PLCG2: variants seen among roughly 807,000 people sequenced by gnomAD.
The protein encoded by PLCG2 is 1-phosphatidylinositol 4,5-bisphosphate phosphodiesterase gamma-2.
Under a neutral mutation model 175.6 loss-of-function variants are expected in PLCG2, and 69 were observed. That is an observed-to-expected ratio of 0.39 (90% CI 0.32 to 0.48). PLCG2 has a LOEUF of 0.48. Among genes scored for constraint, PLCG2 ranks in the 20% least tolerant of loss-of-function variants. The pLI is 0.91. For missense variants in PLCG2, 1,798 were observed against 1,650.9 expected (o/e 1.09, Z -1.54); for synonymous variants, 827 against 624.0 (o/e 1.33, Z -4.85).
chr16:81,873,555 T>G lies in PLCG2; in HGVS notation c.648+2620T>G, dbSNP rs1907621967. On this transcript the variant is annotated intron_variant, in intron 7 of 32. Coordinates refer to ENST00000564138, the MANE Select transcript of PLCG2 (RefSeq NM_002661.5). ...AAGATAAGTAGTTGCAAATAACAGT[T>G]TTTTTTTTTTTAATAATAGTTTACC... is the stretch of plus-strand genomic sequence containing the variant. Among the ~76,000 whole-genome samples the G allele has an allele frequency of 2.1e-5, 3 of 140,088 alleles. No homozygotes were observed. In the South Asian group the frequency reaches 6.4e-4, roughly 30 times the overall value. The allele number at this position is 140,088 out of a possible 152,430, so 91.9% of individuals were successfully genotyped here.
chr16:81,954,995 G>A (rs1453413636), intron 31 of PLCG2, among the ~76,000 whole-genome samples: 1 of 152,142 alleles, frequency 6.6e-6, no homozygotes, highest in African/African-American at 2.4e-5. Context: ...AGCCTCGCCA[G>A]CATCTATTGT....
intron 31 of PLCG2, among the ~76,000 whole-genome samples, chr16:81,952,782 G>A (rs1911418502): frequency 6.6e-6 from 1 of 152,198 alleles, no homozygotes; most frequent in Admixed American, 6.5e-5. Context: ...AAACAGCATA[G>A]TACTAACTGC....
intron 7 of PLCG2, among the ~76,000 whole-genome samples, chr16:81,871,584 C>T (rs572017588): frequency 2.0e-5 from 3 of 152,308 alleles, no homozygotes; most frequent in South Asian, 2.1e-4. Flanking sequence ...CTGATCGGCC[C>T]GCCTCCACTT....
At chr16:81,742,356 G>T (rs948617035) in intron 1 of PLCG2, among the ~76,000 whole-genome samples, 6 of 152,232 alleles carry the variant, frequency 3.9e-5, no homozygotes, top group African/African-American at 1.4e-4. Context: ...AGGGCTCCAG[G>T]TGCAGAGTTG....
At chr16:81,916,266 T>G (rs1476389929) in intron 19 of PLCG2, among the ~76,000 whole-genome samples, 5 of 151,000 alleles carry the variant, frequency 3.3e-5, no homozygotes, top group Non-Finnish European at 7.4e-5. Context: ...ATTTTTTTTT[T>G]CAAAAGACTG....
chr16:81,811,532 C>G (rs965113943), intron 2 of PLCG2, among the ~76,000 whole-genome samples: 2 of 152,118 alleles, frequency 1.3e-5, no homozygotes, highest in South Asian at 4.2e-4. Flanking sequence ...CCCCCAACCC[C>G]TAACAGGCCC....
At position 81,858,359 on chromosome 16, in the gene PLCG2, AG is replaced by A. The variant is rs1422059522; in HGVS notation, c.431+4del. The A allele has an allele frequency of 6.2e-7, 1 of 1,609,952 alleles. No individual in the cohort carries two copies. Among genetic ancestry groups the A allele is most frequent in the African/African-American group, 1.3e-5 (1 of 74,804 alleles). ...TCCACGCCCACCATTATCGAGAGGT[AG>A]TTGGCTTTTGCCTGTTGATTTGCGT... On this transcript the variant is annotated splice_donor_region_variant and intron_variant, in intron 4 of 32. Coordinates refer to ENST00000564138, the MANE Select transcript of PLCG2 (RefSeq NM_002661.5).
intron 5 of PLCG2, among the ~76,000 whole-genome samples, chr16:81,860,174 T>TATTATTATTATTATTATTATTA (rs1555513305): frequency 1.0e-5 from 1 of 96,604 alleles, no homozygotes; most frequent in African/African-American, 3.7e-5. Flanking sequence ...TTATTATTAT[T>TATTATTATTATTATTATTATTA]TTTTTTTTTT....
At chr16:81,760,825 T>G (rs1910027067) in intron 2 of PLCG2, among the ~76,000 whole-genome samples, 1 of 151,888 alleles carries the variant, frequency 6.6e-6, no homozygotes, top group African/African-American at 2.4e-5. Context: ...AGCACTTTGG[T>G]AGGCTAAGGC....
intron 26 of PLCG2, chr16:81,935,893 C>G (rs1249860513): frequency 1.0e-6 from 1 of 984,972 alleles, no homozygotes; most frequent in Middle Eastern, 5.2e-4. Flanking sequence ...TTTTCTTGTT[C>G]AAGGATGGTG....
chr16:81,895,785 G>T (rs764223941), intron 12 of PLCG2, 22 bp from the exon 13 acceptor site: 2 of 1,613,912 alleles, frequency 1.2e-6, no homozygotes, highest in South Asian at 1.1e-5. Context: ...TGGTATTGAG[G>T]CTGCCGCGTT....
chr16:81,848,867 A>G (rs2143454165), intron 2 of PLCG2, among the ~76,000 whole-genome samples: 1 of 152,300 alleles, frequency 6.6e-6, no homozygotes, highest in East Asian at 1.9e-4. Context: ...GTGCTGTGGA[A>G]GAGAGGTGCT....
At chr16:81,788,943 C>G (rs1219978888) in intron 2 of PLCG2, among the ~76,000 whole-genome samples, 1 of 152,202 alleles carries the variant, frequency 6.6e-6, no homozygotes, top group Non-Finnish European at 1.5e-5. Flanking sequence ...TACAGATGGG[C>G]CACGTTGAGA....
intron 2 of PLCG2, among the ~76,000 whole-genome samples, chr16:81,796,661 A>G (rs931184482): frequency 3.9e-5 from 6 of 152,200 alleles, no homozygotes; most frequent in African/African-American, 1.2e-4. Context: ...GTGGGCCCTA[A>G]TCCAATATGA....
intron 27 of PLCG2, among the ~76,000 whole-genome samples, chr16:81,936,839 C>A (rs561552993): frequency 3.1e-4 from 47 of 152,278 alleles, no homozygotes; most frequent in African/African-American, 1.1e-3. Flanking sequence ...TTTAAGACCT[C>A]TTTCGAGGGA....
intron 25 of PLCG2, among the ~76,000 whole-genome samples, chr16:81,931,920 A>G (rs527862033): frequency 6.6e-6 from 1 of 152,252 alleles, no homozygotes; most frequent in South Asian, 2.1e-4. Flanking sequence ...CTCATTGATG[A>G]TGTCTTTGCG....
chr16:81,891,341 G>T, intron 10 of PLCG2, 131 bp from the exon 11 acceptor site: 1 of 676,196 alleles, frequency 1.5e-6, no homozygotes. Context: ...GGGTAACTGA[G>T]GTCTGGAGAC....
intron 2 of PLCG2, among the ~76,000 whole-genome samples, chr16:81,772,478 CG>C (rs1910303084): frequency 6.6e-6 from 1 of 151,774 alleles, no homozygotes; most frequent in Non-Finnish European, 1.5e-5. Flanking sequence ...AGGTAAGACA[CG>C]GGGCCTGGTA....
chr16:81,874,432 A>G (rs1254257316), intron 7 of PLCG2, among the ~76,000 whole-genome samples: 1 of 152,248 alleles, frequency 6.6e-6, no homozygotes, highest in Admixed American at 6.5e-5. Context: ...TTTGAATAAC[A>G]AAGTCCCAAG....
Sources: allele counts gnomAD v4.1 joint callset (sites outside exome capture counted in the v4.1 genomes callset), GRCh38; gene constraint gnomAD v4.1.1; transcripts MANE v1.5; gene names NCBI Gene and HGNC (gene_info 2026-07-23, HGNC 2026-07-21).